The following SYN2 variants were observed in gnomAD, a reference collection of about 807,000 sequenced individuals.
The protein encoded by SYN2 is synapsin II, also known as synapsin-2.
In SYN2, 19 loss-of-function variants were observed where a neutral mutation model predicts 50.9. The observed-to-expected ratio is 0.37, with a 90% CI of 0.26 to 0.55. SYN2 has a LOEUF of 0.55. SYN2 is among the 20% of genes least tolerant of loss of function. SYN2 has a pLI of 0.81. For synonymous variants in SYN2, 255 were observed against 224.9 expected (o/e 1.13, Z -1.20); for missense variants, 587 against 576.4 (o/e 1.02, Z -0.19).
intron 1 of SYN2, among the ~76,000 whole-genome samples, chr3:12,093,345 G>C (rs1274177606): frequency 6.6e-6 from 1 of 152,120 alleles, no homozygotes; most frequent in African/African-American, 2.4e-5. Flanking sequence ...AGTGTAAGCT[G>C]CAATGAAGAA....
rs573910620 is a variant in SYN2, at chr3:12,034,793, A to G, written c.377+29865A>G. On this transcript the variant is annotated intron_variant, in intron 1 of 12. Coordinates refer to ENST00000621198, the MANE Select transcript of SYN2 (RefSeq NM_133625.6). ...GCATTGGGGATTAAGTTTCCAACAC[A>G]TGAATTTTGGGAGACACACTCAAAC... Among the ~76,000 whole-genome samples the G allele has an allele frequency of 4.6e-5, 7 of 152,328 alleles. No homozygotes were observed. The East Asian group carries it at 9.6e-4, about 21-fold the overall frequency.
chr3:12,158,638 G>A, intron 5 of SYN2: 1 of 1,595,616 alleles, frequency 6.3e-7, no homozygotes, highest in South Asian at 1.1e-5. Context: ...CTGGTGTACT[G>A]CTGGCCAGAT....
chr3:12,037,711 G>A (rs1019007488), intron 1 of SYN2, among the ~76,000 whole-genome samples: 19 of 152,248 alleles, frequency 1.2e-4, no homozygotes, highest in African/African-American at 4.1e-4. Flanking sequence ...GAGGCCTCAC[G>A]ACCTAATTGC....
Position 12,187,466 on chromosome 3 carries a change from C to T in SYN2, c.1467C>T (p.Ser489=). The stretch of plus-strand genomic sequence containing the variant: ...CATCACTGCCACCTTCCTCCTCTTC[C>T]TCCTCTTCTTCCTCCTCCTCGGCTC... ...PGPSLPPSSS[S]SSSSSSSAPQ... is the part of the protein sequence containing the mutation. Residue 489 remains serine (S), a synonymous_variant, in exon 12 of 13, where the codon TCC becomes TCT. Transcript: ENST00000621198. The T allele has an allele frequency of 7.1e-7, 1 of 1,402,020 alleles. No homozygotes were observed. The highest frequency in any genetic ancestry group is 9.8e-7 in the Non-Finnish European group (1 of 1,021,230). 86.8% of individuals were successfully genotyped at this position (1,402,020 alleles called of 1,614,324 possible). A position where few individuals can be genotyped will look rare whatever the true frequency, so the allele number is the denominator to read the frequency against.
intron 1 of SYN2, among the ~76,000 whole-genome samples, chr3:12,049,773 G>A (rs547452024): frequency 1.3e-5 from 2 of 152,228 alleles, no homozygotes; most frequent in African/African-American, 4.8e-5. Flanking sequence ...CATTATGTTT[G>A]TGCCACATCT....
At chr3:12,103,949 TTA>T (rs1696126751) in intron 1 of SYN2, among the ~76,000 whole-genome samples, 1 of 152,156 alleles carries the variant, frequency 6.6e-6, no homozygotes, top group African/African-American at 2.4e-5. Flanking sequence ...AATAATCCAA[TTA>T]TATGATTTTT....
At chr3:12,168,583 C>A in intron 9 of SYN2, 105 bp downstream of exon 9, 2 of 951,982 alleles carry the variant, frequency 2.1e-6, no homozygotes, top group South Asian at 1.5e-5. Flanking sequence ...GGAAATGTTC[C>A]AGCAAGATCA....
intron 1 of SYN2, among the ~76,000 whole-genome samples, chr3:12,060,154 G>T (rs1296666135): frequency 1.3e-5 from 2 of 152,166 alleles, no homozygotes; most frequent in Admixed American, 1.3e-4. Flanking sequence ...ATTGCTGAAG[G>T]TTGTTTATGG....
intron 1 of SYN2, among the ~76,000 whole-genome samples, chr3:12,104,881 T>C (rs1012223382): frequency 2.6e-5 from 4 of 152,162 alleles, no homozygotes; most frequent in African/African-American, 9.6e-5. Flanking sequence ...TGTGAAACAT[T>C]TTTCAAAACA....
intron 1 of SYN2, among the ~76,000 whole-genome samples, chr3:12,010,869 A>G (rs76338639): frequency 0.048 from 7,279 of 152,274 alleles, 246 homozygotes; most frequent in East Asian, 0.14. Context: ...TTGCTACCAT[A>G]TGTTATCGTG....
chr3:12,058,891 C>T (rs1210396398), intron 1 of SYN2, among the ~76,000 whole-genome samples: 1 of 152,150 alleles, frequency 6.6e-6, no homozygotes, highest in Non-Finnish European at 1.5e-5. Flanking sequence ...CTTATAAACC[C>T]AACTTCTAGG....
chr3:12,081,432 A>G (rs1408472518), intron 1 of SYN2, among the ~76,000 whole-genome samples: 3 of 152,086 alleles, frequency 2.0e-5, no homozygotes, highest in African/African-American at 4.8e-5. Context: ...ACATTATTAG[A>G]TTGCTCATTT....
At chr3:12,163,074 A>G (rs954855971) in intron 7 of SYN2, among the ~76,000 whole-genome samples, 7 of 151,968 alleles carry the variant, frequency 4.6e-5, no homozygotes, top group Non-Finnish European at 5.9e-5. Flanking sequence ...CCCCATCTCT[A>G]CTAAAAAATA....
chr3:12,045,485 G>C (rs1163706950), intron 1 of SYN2, among the ~76,000 whole-genome samples: 1 of 152,192 alleles, frequency 6.6e-6, no homozygotes, highest in African/African-American at 2.4e-5. Flanking sequence ...AATTTGAATA[G>C]ATGTTTTTCC....
chr3:12,161,502 A>G (rs759345619), intron 5 of SYN2, 44 bp from the exon 6 acceptor site: 9 of 1,609,004 alleles, frequency 5.6e-6, no homozygotes, highest in Non-Finnish European at 7.7e-6. Flanking sequence ...CCACGGAGAG[A>G]TGGGCACACT....
intron 3 of SYN2, among the ~76,000 whole-genome samples, chr3:12,145,360 G>A (rs1408667293): frequency 6.6e-6 from 1 of 152,196 alleles, no homozygotes; most frequent in Non-Finnish European, 1.5e-5. Flanking sequence ...AACAAAGTAA[G>A]ACCCTGTCTC....
intron 5 of SYN2, chr3:12,157,597 T>A: frequency 1.0e-6 from 1 of 972,880 alleles, no homozygotes; most frequent in Non-Finnish European, 1.6e-6. Context: ...GGTTTTGGTG[T>A]GGCTGGGTTG....
chr3:12,084,556 C>T (rs988272859), intron 1 of SYN2, among the ~76,000 whole-genome samples: 18 of 152,098 alleles, frequency 1.2e-4, no homozygotes, highest in Non-Finnish European at 2.6e-4. Flanking sequence ...GAAAATGTTA[C>T]TAAGCAGTAA....
chr3:12,169,622 C>G, intron 9 of SYN2, 135 bp from the exon 10 acceptor site: 1 of 946,834 alleles, frequency 1.1e-6, no homozygotes. Context: ...GATCACACTT[C>G]CAGCTGAAGA....
Sources: gnomAD v4.1 joint callset for allele counts (sites outside exome capture counted in the v4.1 genomes callset) on GRCh38, gnomAD v4.1.1 for gene constraint, MANE v1.5 for transcripts, NCBI Gene and HGNC (gene_info 2026-07-23, HGNC 2026-07-21) for gene names.